The following GMDS variants were observed in gnomAD, a reference collection of about 807,000 sequenced individuals.
The protein encoded by GMDS is GDP-mannose 4,6 dehydratase.
A neutral mutation model predicts 49.9 loss-of-function variants in GMDS; 20 were observed. The observed-to-expected ratio is 0.40, with a 90% CI of 0.28 to 0.58. The LOEUF (loss-of-function observed/expected upper bound fraction) is 0.58. GMDS is among the 20% of genes least tolerant of loss of function. The probability of loss-of-function intolerance (pLI) is 0.42; values close to 1 mark genes in which losing one functional copy is unlikely to be tolerated. For synonymous variants in GMDS, 177 were observed against 178.6 expected (o/e 0.99, Z 0.07); for missense variants, 362 against 481.4 (o/e 0.75, Z 2.32).
intron 7 of GMDS, among the ~76,000 whole-genome samples, chr6:1,876,823 CAATT>C (rs1340753528): frequency 2.6e-5 from 4 of 152,236 alleles, no homozygotes; most frequent in Middle Eastern, 3.4e-3. Context: ...AAAAATAAGA[CAATT>C]AATTCTCCTA....
chr6:1,947,921 A>ATGCATTTTCCCCTTTATTCCTTCTG (rs1763161811), intron 6 of GMDS, among the ~76,000 whole-genome samples: 1 of 152,154 alleles, frequency 6.6e-6, no homozygotes, highest in African/African-American at 2.4e-5. Context: ...ATGTTCCTTT[A>ATGCATTTTCCCCTTTATTCCTTCTG]TGCATTTTCC....
intron 7 of GMDS, among the ~76,000 whole-genome samples, chr6:1,845,175 G>A (rs1404670022): frequency 5.9e-5 from 9 of 152,170 alleles, no homozygotes; most frequent in Non-Finnish European, 7.3e-5. Context: ...GAGGCAATTT[G>A]TCAATGTCAT....
chr6:2,170,647 A>G (rs1177196525), intron 1 of GMDS, among the ~76,000 whole-genome samples: 3 of 151,866 alleles, frequency 2.0e-5, no homozygotes, highest in East Asian at 3.9e-4. Context: ...AAAAAAAAAA[A>G]AGGCATAATT....
chr6:1,870,053 G>A (rs147180006), intron 7 of GMDS, among the ~76,000 whole-genome samples: 6 of 152,362 alleles, frequency 3.9e-5, no homozygotes, highest in Non-Finnish European at 8.8e-5. Context: ...CCTGGGGCCT[G>A]CCTTCCTGGG....
chr6:1,810,737 A>G (rs1221492846), intron 7 of GMDS, among the ~76,000 whole-genome samples: 1 of 152,198 alleles, frequency 6.6e-6, no homozygotes, highest in African/African-American at 2.4e-5. Flanking sequence ...ATGACTGGAC[A>G]TAACCTTGCA....
intron 9 of GMDS, among the ~76,000 whole-genome samples, chr6:1,723,939 T>C (rs1766483771): frequency 6.6e-6 from 1 of 152,192 alleles, no homozygotes; most frequent in Admixed American, 6.5e-5. Flanking sequence ...ATTTACAATA[T>C]AGTCTCCAGT....
At chr6:1,794,471 C>T (rs911757385) in intron 7 of GMDS, among the ~76,000 whole-genome samples, 4 of 152,074 alleles carry the variant, frequency 2.6e-5, no homozygotes, top group East Asian at 3.9e-4. Context: ...GGTTGGTGGT[C>T]GAAACCATGG....
intron 4 of GMDS, among the ~76,000 whole-genome samples, chr6:2,088,122 C>T (rs575989799): frequency 2.0e-4 from 31 of 151,610 alleles, no homozygotes; most frequent in Admixed American, 1.8e-3. Context: ...AAAAAAAATG[C>T]TGTGATATAG....
chr6:2,057,335 A>G (rs1045913807), intron 4 of GMDS, among the ~76,000 whole-genome samples: 4 of 152,218 alleles, frequency 2.6e-5, no homozygotes, highest in Non-Finnish European at 5.9e-5. Context: ...TCAACAAATA[A>G]TTACTAAATG....
chr6:1,654,214 A>C (rs1763801832), intron 9 of GMDS, among the ~76,000 whole-genome samples: 1 of 152,238 alleles, frequency 6.6e-6, no homozygotes, highest in Admixed American at 6.5e-5. Flanking sequence ...TCCTCAAAAA[A>C]TTAAATATAG....
chr6:1,905,952 A>G (rs1054642836), intron 7 of GMDS, among the ~76,000 whole-genome samples: 12 of 152,190 alleles, frequency 7.9e-5, no homozygotes, highest in Non-Finnish European at 1.6e-4. Flanking sequence ...GTGGCTGTTG[A>G]GTCCAAGCCA....
chr6:1,815,908 T>C (rs778564252), intron 7 of GMDS, among the ~76,000 whole-genome samples: 4 of 152,184 alleles, frequency 2.6e-5, no homozygotes, highest in African/African-American at 4.8e-5. Flanking sequence ...GCTGACAGAA[T>C]GTTGCAAAAT....
At chr6:2,047,668 T>C (rs557021862) in intron 4 of GMDS, among the ~76,000 whole-genome samples, 1 of 152,052 alleles carries the variant, frequency 6.6e-6, no homozygotes, top group South Asian at 2.1e-4. Context: ...TTCGTCATTT[T>C]AGTAGAGATG....
At chr6:1,907,823 T>C (rs192705735) in intron 7 of GMDS, among the ~76,000 whole-genome samples, 3 of 152,314 alleles carry the variant, frequency 2.0e-5, no homozygotes, top group Admixed American at 1.3e-4. Context: ...GGCCAATAAA[T>C]GAACTATACA....
chr6:2,124,123 C>T lies in GMDS; in HGVS notation c.147+564G>A, dbSNP rs148495266. On this transcript the variant is annotated intron_variant, in intron 2 of 10. Coordinates refer to ENST00000380815, the MANE Select transcript of GMDS (RefSeq NM_001500.4). ...TCTTTAAAAAATTAAGTTGTACATA[C>T]TTAGCACATCAAAATTAATATATAA... 2.0e-5 allele frequency among the ~76,000 whole-genome samples: 3 copies of T among 151,358 alleles called. No homozygotes were observed. In the East Asian group the frequency reaches 5.8e-4, roughly 29 times the overall value.
chr6:1,845,656 G>A (rs1450477497), intron 7 of GMDS, among the ~76,000 whole-genome samples: 1 of 152,134 alleles, frequency 6.6e-6, no homozygotes, highest in East Asian at 1.9e-4. Flanking sequence ...ACGGACTGGG[G>A]GTGTGGGGCG....
chr6:2,104,723 T>C (rs1774122033), intron 4 of GMDS, among the ~76,000 whole-genome samples: 1 of 152,186 alleles, frequency 6.6e-6, no homozygotes. Flanking sequence ...CAATAGATTT[T>C]TTCCATTATT....
chr6:1,776,557 T>C (rs1323710730), intron 7 of GMDS, among the ~76,000 whole-genome samples: 6 of 150,950 alleles, frequency 4.0e-5, no homozygotes, highest in African/African-American at 1.5e-4. Context: ...CTGAGCATGG[T>C]GGCATGTACC....
intron 4 of GMDS, among the ~76,000 whole-genome samples, chr6:2,066,391 T>C (rs1261945988): frequency 2.9e-5 from 4 of 137,660 alleles, no homozygotes; most frequent in African/African-American, 8.6e-5. Context: ...AACATCATAA[T>C]GACAGGATCA....
Sources: gnomAD v4.1 joint callset for allele counts (sites outside exome capture counted in the v4.1 genomes callset) on GRCh38, gnomAD v4.1.1 for gene constraint, MANE v1.5 for transcripts, NCBI Gene and HGNC (gene_info 2026-07-23, HGNC 2026-07-21) for gene names.